GALNT17: variants seen among roughly 807,000 people sequenced by gnomAD.
The protein encoded by GALNT17 is UDP-GalNAc:polypeptide N-acetylgalactosaminyltransferase-like 3.
GALNT17 carries 29 observed loss-of-function variants against 63.7 expected under a neutral mutation model. The observed-to-expected ratio is 0.46, with a 90% CI of 0.34 to 0.62. The LOEUF (loss-of-function observed/expected upper bound fraction) is 0.62, where lower values mean the gene tolerates loss of function less well. GALNT17 is among the 20% of genes least tolerant of loss of function. GALNT17 has a pLI of 0.01. For synonymous variants in GALNT17, 305 were observed against 318.3 expected (o/e 0.96, Z 0.45); for missense variants, 603 against 799.6 (o/e 0.75, Z 2.97).
At chr7:71,201,868 G>A (rs977708635) in intron 1 of GALNT17, among the ~76,000 whole-genome samples, 2 of 152,042 alleles carry the variant, frequency 1.3e-5, no homozygotes, top group African/African-American at 4.8e-5. Context: ...CTTGACCTCA[G>A]GTGATCCACC....
At chr7:71,558,060 C>T (rs1468001013) in intron 5 of GALNT17, among the ~76,000 whole-genome samples, 4 of 152,076 alleles carry the variant, frequency 2.6e-5, no homozygotes, top group Admixed American at 6.6e-5. Context: ...GGCCACAGAG[C>T]GAGACTCTGT....
intron 1 of GALNT17, among the ~76,000 whole-genome samples, chr7:71,273,828 CTAA>C (rs1790635479): frequency 2.0e-5 from 3 of 151,084 alleles, no homozygotes; most frequent in Non-Finnish European, 2.9e-5. Flanking sequence ...AAATTTTTCT[CTAA>C]TGAGATAATG....
chr7:71,185,896 G>C (rs1788842647), intron 1 of GALNT17, among the ~76,000 whole-genome samples: 1 of 152,204 alleles, frequency 6.6e-6, no homozygotes, highest in Non-Finnish European at 1.5e-5. Context: ...GTGAAGTTTA[G>C]AGAGAAAATA....
At chr7:71,657,667 C>G (rs895087421) in intron 6 of GALNT17, among the ~76,000 whole-genome samples, 1 of 152,202 alleles carries the variant, frequency 6.6e-6, no homozygotes, top group African/African-American at 2.4e-5. Context: ...ATTGAGTCAT[C>G]AGATCACAAC....
chr7:71,591,552 G>A (rs17143672), intron 6 of GALNT17, among the ~76,000 whole-genome samples: 4,815 of 152,252 alleles, frequency 0.032, 242 homozygotes, highest in African/African-American at 0.11. Flanking sequence ...CGCATGTCTG[G>A]GAAACTCCTC....
At chr7:71,217,013 C>A (rs1789494592) in intron 1 of GALNT17, among the ~76,000 whole-genome samples, 1 of 152,112 alleles carries the variant, frequency 6.6e-6, no homozygotes, top group South Asian at 2.1e-4. Context: ...GTTTAGCCTG[C>A]AGTTCAGTGG....
chr7:71,342,637 A>C (rs190390050), intron 2 of GALNT17, among the ~76,000 whole-genome samples: 2 of 152,356 alleles, frequency 1.3e-5, no homozygotes, highest in East Asian at 3.9e-4. Flanking sequence ...TAAATATTTC[A>C]TATTGATTTA....
chr7:71,653,374 C>T (rs73371280), intron 6 of GALNT17, among the ~76,000 whole-genome samples: 12,684 of 151,678 alleles, frequency 0.084, 705 homozygotes, highest in African/African-American at 0.16. Flanking sequence ...GAAATTGACA[C>T]ATGGAAGCTG....
At chr7:71,507,544 GC>G (rs1479559579) in intron 5 of GALNT17, among the ~76,000 whole-genome samples, 1 of 152,144 alleles carries the variant, frequency 6.6e-6, no homozygotes, top group Non-Finnish European at 1.5e-5. Flanking sequence ...CCCTGGGTCC[GC>G]CTTTGACCCC....
At chr7:71,614,749 CGAAAGAAACAGAAAGA>C (rs1790173894) in intron 6 of GALNT17, among the ~76,000 whole-genome samples, 1 of 140,098 alleles carries the variant, frequency 7.1e-6, no homozygotes, top group South Asian at 2.3e-4. Flanking sequence ...GTGGAGAGAG[CGAAAGAAACAGAAAGA>C]GAAAGAAACA....
At chr7:71,373,985 A>G (rs1263267329) in intron 2 of GALNT17, among the ~76,000 whole-genome samples, 3 of 152,180 alleles carry the variant, frequency 2.0e-5, no homozygotes. Flanking sequence ...CTATTCTTTC[A>G]GGTGCAATGT....
At chr7:71,225,268 C>T (rs1278877118) in intron 1 of GALNT17, among the ~76,000 whole-genome samples, 1 of 152,206 alleles carries the variant, frequency 6.6e-6, no homozygotes, top group Admixed American at 6.5e-5. Context: ...CGCACACAGC[C>T]CATAGACTCA....
chr7:71,669,783 A>C (rs525809), intron 7 of GALNT17, among the ~76,000 whole-genome samples, 189 bp from the exon 8 acceptor site: 1 of 151,850 alleles, frequency 6.6e-6, no homozygotes, highest in Non-Finnish European at 1.5e-5. Context: ...GGCTGGTCTC[A>C]AACTCCTGAC....
rs574878582 is a variant in GALNT17 at position 71,556,858 on chromosome 7, G to A, written c.963-14427G>A. Among the ~76,000 whole-genome samples, 11 of 151,982 alleles carry A rather than the reference G, an allele frequency of 7.2e-5. No individual in the cohort carries two copies. In the South Asian group the frequency reaches 2.1e-3, roughly 29 times the overall value. ...TGGGATTACAGGCATAAGCCACTGCGCCTGGCCCCCTTGACATAATCTTAT... is the reference window on the plus strand; with the variant it reads ...TGGGATTACAGGCATAAGCCACTGCACCTGGCCCCCTTGACATAATCTTAT... On this transcript the variant is annotated intron_variant, in intron 5 of 10. Coordinates refer to ENST00000333538, the MANE Select transcript of GALNT17 (RefSeq NM_022479.3).
chr7:71,501,002 C>T (rs1041067748), intron 5 of GALNT17, among the ~76,000 whole-genome samples: 1 of 151,984 alleles, frequency 6.6e-6, no homozygotes, highest in Non-Finnish European at 1.5e-5. Context: ...CAGATTCTTA[C>T]TCCATTACCC....
At chr7:71,263,535 A>G (rs1790426502) in intron 1 of GALNT17, among the ~76,000 whole-genome samples, 1 of 152,146 alleles carries the variant, frequency 6.6e-6, no homozygotes, top group Non-Finnish European at 1.5e-5. Flanking sequence ...ACTTGCAGGA[A>G]TTTACCTTTA....
At chr7:71,607,743 A>G (rs1790067225) in intron 6 of GALNT17, among the ~76,000 whole-genome samples, 1 of 152,288 alleles carries the variant, frequency 6.6e-6, no homozygotes, top group East Asian at 1.9e-4. Flanking sequence ...AGGAGAAAAA[A>G]AACCCCACAG....
chr7:71,257,707 G>A (rs1182319803), intron 1 of GALNT17, among the ~76,000 whole-genome samples: 4 of 152,196 alleles, frequency 2.6e-5, no homozygotes, highest in Admixed American at 2.0e-4. Context: ...CCACTGTGGG[G>A]ATGCTGGAGA....
chr7:71,259,296 G>A (rs560462383), intron 1 of GALNT17, among the ~76,000 whole-genome samples: 62 of 152,218 alleles, frequency 4.1e-4, no homozygotes, highest in Admixed American at 3.3e-4. Context: ...AGCCAGGTTT[G>A]AATGGGGGAT....
Sources: allele counts gnomAD v4.1 joint callset (sites outside exome capture counted in the v4.1 genomes callset), GRCh38; gene constraint gnomAD v4.1.1; transcripts MANE v1.5; gene names NCBI Gene and HGNC (gene_info 2026-07-23, HGNC 2026-07-21).